BRCA2: variants seen among roughly 807,000 people sequenced by gnomAD.
The protein encoded by BRCA2 is BRCA2 DNA repair associated, also known as breast cancer type 2 susceptibility protein.
A neutral mutation model predicts 276.7 loss-of-function variants in BRCA2; 203 were observed. The ratio of observed to expected loss-of-function variants is 0.73; its 90% CI spans 0.65 to 0.82. The LOEUF (loss-of-function observed/expected upper bound fraction) is 0.82, where lower values mean the gene tolerates loss of function less well. BRCA2 is among the 40% of genes least tolerant of loss of function. The pLI, the probability that BRCA2 is intolerant of heterozygous loss-of-function variation, is 0.00. For synonymous variants in BRCA2, 1,289 were observed against 1,338.4 expected (o/e 0.96, Z 0.81); for missense variants, 3,920 against 3,915.0 (o/e 1.00, Z -0.03).
In BRCA2 at chr13:32,390,824, T is replaced by C. The variant is rs571618624; in HGVS notation, c.9257-3865T>C. On this transcript the variant is annotated intron_variant, in intron 24 of 26. Coordinates refer to ENST00000380152, the MANE Select transcript of BRCA2 (RefSeq NM_000059.4). Reference sequence around the variant, plus strand: ...TGGATTTCTACTTCCACTTCTGACATAATGGGTTGAAGCAGGGGTCAGTTG... The same window carrying C: ...TGGATTTCTACTTCCACTTCTGACACAATGGGTTGAAGCAGGGGTCAGTTG... 2.0e-5 allele frequency among the ~76,000 whole-genome samples: 3 copies of C among 152,298 alleles called. No homozygotes were observed. In the South Asian group the frequency reaches 6.2e-4, roughly 32 times the overall value.
At chr13:32,380,731 G>A (rs894122979) in intron 24 of BRCA2, among the ~76,000 whole-genome samples, 4 of 151,404 alleles carry the variant, frequency 2.6e-5, no homozygotes, top group Non-Finnish European at 4.4e-5. Flanking sequence ...TAGTAGAGTC[G>A]GGGTTTCACC....
intron 15 of BRCA2, among the ~76,000 whole-genome samples, chr13:32,357,531 G>T (rs562188065): frequency 6.6e-6 from 1 of 152,288 alleles, no homozygotes; most frequent in South Asian, 2.1e-4. Flanking sequence ...GGTGGAAAAG[G>T]TACAGCAGAC....
intron 20 of BRCA2, among the ~76,000 whole-genome samples, chr13:32,376,096 A>G (rs1220518344): frequency 6.6e-6 from 1 of 152,204 alleles, no homozygotes; most frequent in Non-Finnish European, 1.5e-5. Context: ...AAAATGCAGT[A>G]TCTATGAAAC....
At chr13:32,355,924 C>T (rs1302537368) in intron 14 of BRCA2, among the ~76,000 whole-genome samples, 1 of 151,740 alleles carries the variant, frequency 6.6e-6, no homozygotes, top group Non-Finnish European at 1.5e-5. Flanking sequence ...ATTTATACAG[C>T]TTTACAAGTT....
chr13:32,331,951 A>C (rs1194351837), intron 9 of BRCA2, among the ~76,000 whole-genome samples: 4 of 152,182 alleles, frequency 2.6e-5, no homozygotes, highest in Non-Finnish European at 5.9e-5. Context: ...GATAGGTCTT[A>C]GAATATTTAA....
intron 24 of BRCA2, among the ~76,000 whole-genome samples, chr13:32,380,563 T>C (rs2072917980): frequency 1.5e-5 from 2 of 137,404 alleles, no homozygotes; most frequent in South Asian, 2.3e-4. Context: ...TTCCCCGAGA[T>C]GGAGTCTCAC....
At chr13:32,350,760 AAAC>A (rs1308532505) in intron 13 of BRCA2, among the ~76,000 whole-genome samples, 1 of 152,152 alleles carries the variant, frequency 6.6e-6, no homozygotes, top group Non-Finnish European at 1.5e-5. Flanking sequence ...CTCAAAAAAA[AAAC>A]AACAAAATAA....
At chr13:32,358,183 A>G (rs1011639752) in intron 16 of BRCA2, among the ~76,000 whole-genome samples, 2 of 152,182 alleles carry the variant, frequency 1.3e-5, no homozygotes, top group African/African-American at 4.8e-5. Flanking sequence ...CCAATTTATA[A>G]AGTTAAATTT....
Position 32,356,532 on chromosome 13 carries a change from A to G in BRCA2, c.7540A>G (p.Lys2514Glu), listed in dbSNP as rs864622624. The change falls in exon 15 of 27, where the codon AAA (lysine) becomes GAA (glutamate). Residue 2514 changes from lysine to glutamate, a missense_variant. Around this residue, in one of 2 missense-constraint regions of BRCA2, gnomAD observed 3,263 missense variants for 3,156.9 expected, o/e 1.03. Coordinates refer to ENST00000380152, the MANE Select transcript of BRCA2 (RefSeq NM_000059.4). ...FPQPGSLYLA[K>E]TSTLPRISLK... ...ACAGCCAGGCAGTCTGTATCTTGCA[A>G]AAACATCCACTCTGCCTCGAATCTC... The G allele has an allele frequency of 3.7e-6, 6 of 1,614,130 alleles. No individual in the cohort carries two copies. The highest frequency in any genetic ancestry group is 5.1e-6 in the Non-Finnish European group (6 of 1,180,050).
At chr13:32,319,805 A>G (rs948396926) in intron 3 of BRCA2, among the ~76,000 whole-genome samples, 25 of 152,262 alleles carry the variant, frequency 1.6e-4, no homozygotes, top group African/African-American at 6.0e-4. Flanking sequence ...CCTACTTGAC[A>G]TAAGTAATGA....
At chr13:32,324,626 T>G (rs951995377) in intron 3 of BRCA2, among the ~76,000 whole-genome samples, 5 of 152,172 alleles carry the variant, frequency 3.3e-5, no homozygotes, top group African/African-American at 1.2e-4. Context: ...CCCTTACTCC[T>G]TTTTTCTCTT....
At chr13:32,365,106 A>ATTTT (rs2072771353) in intron 18 of BRCA2, among the ~76,000 whole-genome samples, 2 of 86,484 alleles carry the variant, frequency 2.3e-5, no homozygotes, top group Non-Finnish European at 4.6e-5. Context: ...ATTGCAGTGC[A>ATTTT]TTCTTTTTTT....
chr13:32,337,505 C>T lies in BRCA2; in HGVS notation c.3150C>T (p.Thr1050=), dbSNP rs1383828273. ...TAGCTTGTGTTGAAATTGTAAATAC[C>T]TTGGCATTAGATAATCAAAAGAAAC... The part of the protein sequence containing the change: ...TSLACVEIVN[T]LALDNQKKLS... Residue 1050 remains threonine, a synonymous_variant, in exon 11 of 27, where the codon ACC becomes ACT. Transcript: ENST00000380152. 6.2e-7 allele frequency: 1 copy of T among 1,607,882 alleles called. No homozygotes were observed. The highest frequency in any genetic ancestry group is 8.5e-7 in the Non-Finnish European group (1 of 1,177,100).
intron 4 of BRCA2, among the ~76,000 whole-genome samples, chr13:32,325,685 C>T (rs975073608): frequency 1.3e-5 from 2 of 151,800 alleles, no homozygotes; most frequent in African/African-American, 4.8e-5. Flanking sequence ...GGACTACAGG[C>T]GCCCGCCACC....
chr13:32,398,342 C>T lies in BRCA2; in HGVS notation c.9829C>T (p.Leu3277=), dbSNP rs757664122. The change falls in exon 27 of 27, where the codon CTG becomes TTG. Residue 3277 remains leucine, a synonymous_variant. Transcript: ENST00000380152. ...AAGAGCCTTGGATTTCTTGAGTAGA[C>T]TGCCTTTACCTCCACCTGTTAGTCC... ...KRRALDFLSR[L]PLPPPVSPIC... 1 of 1,614,168 alleles carries T rather than the reference C, an allele frequency of 6.2e-7. No homozygotes were observed. The highest frequency in any genetic ancestry group is 1.7e-5 in the Admixed American group (1 of 60,012).
chr13:32,388,121 C>CTTTT (rs34184533), intron 24 of BRCA2, among the ~76,000 whole-genome samples: 3 of 141,504 alleles, frequency 2.1e-5, no homozygotes, highest in Non-Finnish European at 3.0e-5. Flanking sequence ...ATGACCTCAT[C>CTTTT]TTTTTTTTTT....
chr13:32,396,896 A>C lies in BRCA2; in HGVS notation c.9502-2A>C, dbSNP rs81002868. On this transcript the variant is annotated splice_acceptor_variant, in intron 25 of 26. Coordinates refer to ENST00000380152, the MANE Select transcript of BRCA2 (RefSeq NM_000059.4). LOFTEE classifies it high-confidence loss of function. ...AAGCAGCTTTTCCACTTATTTTCTT[A>C]GAATATTGACATACTTTGCAATGAA... 2 of 1,614,064 alleles carry C rather than the reference A, an allele frequency of 1.2e-6. No individual in the cohort carries two copies. Among genetic ancestry groups the C allele is most frequent in the Non-Finnish European group, 1.7e-6 (2 of 1,179,952 alleles).
chr13:32,318,915 G>A (rs1032184694), intron 2 of BRCA2, among the ~76,000 whole-genome samples, 162 bp from the exon 3 acceptor site: 1 of 152,066 alleles, frequency 6.6e-6, no homozygotes, highest in Non-Finnish European at 1.5e-5. Context: ...CTATAGATTC[G>A]CAAGAGAATG....
rs2072246531 is a variant in BRCA2 at position 32,315,513 on chromosome 13, C to T, written c.-194C>T. On this transcript the variant is annotated 5_prime_UTR_variant, in exon 1 of 27. Transcript: ENST00000380152. ...AGCTTCTGAAACTAGGCGGCAGAGG[C>T]GGAGCCGCTGTGGCACTGCTGCGCC... 1 of 152,432 alleles carries T rather than the reference C, an allele frequency of 6.6e-6. No homozygotes were observed. Among genetic ancestry groups the T allele is most frequent in the African/African-American group, 2.4e-5 (1 of 41,598 alleles). The allele number at this position is 152,432 out of a possible 1,614,324, so 9.4% of individuals were successfully genotyped here. A position where few individuals can be genotyped will look rare whatever the true frequency, so the allele number is the denominator to read the frequency against.
Sources: allele counts gnomAD v4.1 joint callset (sites outside exome capture counted in the v4.1 genomes callset), GRCh38; gene constraint gnomAD v4.1.1; regional missense constraint gnomAD v4.1.1; transcripts MANE v1.5; gene names NCBI Gene and HGNC (gene_info 2026-07-23, HGNC 2026-07-21).